MACROD2: variants seen among roughly 807,000 people sequenced by gnomAD.
The protein encoded by MACROD2 is ADP-ribose glycohydrolase MACROD2.
Under a neutral mutation model 70.4 loss-of-function variants are expected in MACROD2, and 36 were observed. The observed-to-expected ratio is 0.51, with a 90% confidence interval of 0.39 to 0.68. The LOEUF is 0.68. Ranked by LOEUF, MACROD2 falls within the 30% of genes least tolerant of loss-of-function variation. The pLI is 0.00. For synonymous variants in MACROD2, 172 were observed against 178.8 expected, an observed-to-expected ratio of 0.96 and a Z score of 0.30; for missense variants, 496 against 538.4, an observed-to-expected ratio of 0.92 and a Z score of 0.78.
At chr20:14,671,038 T>A (rs540736641) in intron 4 of MACROD2, among the ~76,000 whole-genome samples, 5 of 152,176 alleles carry the variant, frequency 3.3e-5, no homozygotes, top group Non-Finnish European at 5.9e-5. Flanking sequence ...TGGTCACTCA[T>A]CTCTTTTTCA....
At chr20:14,022,363 T>G (rs1030145679) in intron 2 of MACROD2, among the ~76,000 whole-genome samples, 31 of 152,290 alleles carry the variant, frequency 2.0e-4, no homozygotes, top group African/African-American at 7.5e-4. Flanking sequence ...GTATCATCTT[T>G]GAACATACGT....
rs144621537 is a variant in MACROD2, at chr20:15,349,209, G to A, written c.541-82196G>A. Reference sequence around the variant, plus strand: ...GTTCGTGTCAACTCTTTCAAATCAAGTGTGCCCTCAAGAGAGAACCAAAAA... The same window carrying A: ...GTTCGTGTCAACTCTTTCAAATCAAATGTGCCCTCAAGAGAGAACCAAAAA... On this transcript the variant is annotated intron_variant, in intron 6 of 17. Coordinates refer to ENST00000684519, the MANE Select transcript of MACROD2 (RefSeq NM_001351661.2). 4.9e-4 allele frequency among the ~76,000 whole-genome samples: 75 copies of A among 152,234 alleles called. 1 individual carries two copies. The highest frequency in any genetic ancestry group is 1.7e-3 in the African/African-American group (71 of 41,548).
At chr20:14,858,483 A>G (rs1237772462) in intron 5 of MACROD2, among the ~76,000 whole-genome samples, 1 of 152,198 alleles carries the variant, frequency 6.6e-6, no homozygotes, top group African/African-American at 2.4e-5. Flanking sequence ...TCCAGATTAC[A>G]AACTTGATTG....
rs374771441 is a variant in MACROD2, at chr20:14,965,627, A to ATT, written c.419-264300_419-264299dup. Among the ~76,000 whole-genome samples, 623 of 140,882 alleles carry ATT rather than the reference A, an allele frequency of 4.4e-3. 5 individuals are homozygous for ATT. Among genetic ancestry groups the ATT allele is most frequent in the African/African-American group, 0.015 (577 of 38,374 alleles). The allele number at this position is 140,882 out of a possible 152,430, so 92.4% of individuals were successfully genotyped here. A position where few individuals can be genotyped will look rare whatever the true frequency, so the allele number is the denominator to read the frequency against. ...AGGCGCCCGCCACTATGCCCAGCTA[A>ATT]TTTTTTTTTTTTTTGTATTTTTAGT... is the stretch of plus-strand genomic sequence containing the variant. On this transcript the variant is annotated intron_variant, in intron 5 of 17. Transcript: ENST00000684519.
intron 13 of MACROD2, among the ~76,000 whole-genome samples, chr20:15,984,501 C>T (rs374484061): frequency 3.3e-5 from 5 of 151,924 alleles, no homozygotes; most frequent in Non-Finnish European, 5.9e-5. Context: ...TTTTCTTTCA[C>T]GACTTTTGCA....
At chr20:15,141,290 A>T (rs528044189) in intron 5 of MACROD2, among the ~76,000 whole-genome samples, 1 of 152,098 alleles carries the variant, frequency 6.6e-6, no homozygotes, top group Non-Finnish European at 1.5e-5. Flanking sequence ...TAGCATACAT[A>T]CATATAGATA....
chr20:15,119,925 G>A (rs1459453828), intron 5 of MACROD2, among the ~76,000 whole-genome samples: 1 of 152,176 alleles, frequency 6.6e-6, no homozygotes, highest in Non-Finnish European at 1.5e-5. Flanking sequence ...CAATTACTTG[G>A]ATTATATCAT....
intron 6 of MACROD2, among the ~76,000 whole-genome samples, chr20:15,427,487 A>G (rs1006771357): frequency 1.3e-5 from 2 of 151,970 alleles, no homozygotes; most frequent in Non-Finnish European, 2.9e-5. Flanking sequence ...AACAGACTCT[A>G]AGACAGAGTT....
At chr20:15,568,745 A>C (rs1426120405) in intron 8 of MACROD2, among the ~76,000 whole-genome samples, 1 of 152,206 alleles carries the variant, frequency 6.6e-6, no homozygotes, top group Non-Finnish European at 1.5e-5. Flanking sequence ...TTTCCTGACC[A>C]TCAAACTCAG....
At chr20:14,887,057 C>G (rs937041635) in intron 5 of MACROD2, among the ~76,000 whole-genome samples, 7 of 152,006 alleles carry the variant, frequency 4.6e-5, no homozygotes, top group African/African-American at 1.4e-4. Context: ...CATTTTGGCC[C>G]ATTATGAGAA....
intron 6 of MACROD2, among the ~76,000 whole-genome samples, chr20:15,258,479 C>G (rs148224081): frequency 1.2e-4 from 18 of 152,208 alleles, no homozygotes; most frequent in Non-Finnish European, 2.6e-4. Context: ...TACACAAATA[C>G]CATTGTGTTA....
intron 3 of MACROD2, among the ~76,000 whole-genome samples, chr20:14,184,512 T>A (rs2081329225): frequency 6.6e-6 from 1 of 151,976 alleles, no homozygotes; most frequent in South Asian, 2.1e-4. Context: ...CTATTTGGTT[T>A]TTTTTTTTGG....
chr20:15,636,076 G>GACAAAAAAAAAAAAAAA (rs2049360809), intron 8 of MACROD2, among the ~76,000 whole-genome samples: 1 of 85,830 alleles, frequency 1.2e-5, no homozygotes, highest in East Asian at 4.5e-4. Flanking sequence ...CCTCTCAAAA[G>GACAAAAAAAAAAAAAAA]AAAAAAAAAA....
At chr20:14,225,862 G>A (rs994586498) in intron 3 of MACROD2, among the ~76,000 whole-genome samples, 9 of 152,148 alleles carry the variant, frequency 5.9e-5, no homozygotes, top group Non-Finnish European at 1.0e-4. Flanking sequence ...TACATGACAG[G>A]TTTCCAGGCC....
At chr20:15,756,304 A>G (rs1000687813) in intron 8 of MACROD2, among the ~76,000 whole-genome samples, 1 of 152,308 alleles carries the variant, frequency 6.6e-6, no homozygotes, top group Admixed American at 6.5e-5. Context: ...TTGATTTGTA[A>G]CACTTTAAAA....
chr20:15,192,934 G>A (rs1465932877), intron 5 of MACROD2, among the ~76,000 whole-genome samples: 1 of 152,144 alleles, frequency 6.6e-6, no homozygotes, highest in East Asian at 1.9e-4. Context: ...TGAATTTTTG[G>A]TGTCAAAACA....
At chr20:14,050,236 A>C (rs1035754605) in intron 2 of MACROD2, among the ~76,000 whole-genome samples, 1 of 152,176 alleles carries the variant, frequency 6.6e-6, no homozygotes, top group Non-Finnish European at 1.5e-5. Flanking sequence ...ATTCTGGAGA[A>C]GGCTTCTGGT....
chr20:14,295,565 TG>T (rs148650152), intron 3 of MACROD2, among the ~76,000 whole-genome samples: 4 of 149,842 alleles, frequency 2.7e-5, no homozygotes, highest in Non-Finnish European at 4.4e-5. Context: ...GGGGACTGTG[TG>T]GGGGGGCTGG....
chr20:15,197,174 A>T, intron 5 of MACROD2: 1 of 284,836 alleles, frequency 3.5e-6, no homozygotes, highest in Non-Finnish European at 5.3e-6. Flanking sequence ...TCTTTTCTTC[A>T]TTTAGTTTGT....
Sources: gnomAD v4.1 joint callset for allele counts (sites outside exome capture counted in the v4.1 genomes callset) on GRCh38, gnomAD v4.1.1 for gene constraint, MANE v1.5 for transcripts, NCBI Gene and HGNC (gene_info 2026-07-23, HGNC 2026-07-21) for gene names.